Variants in SRGAP1 observed in about 807,000 individuals in gnomAD.
SRGAP1 encodes the protein SLIT-ROBO Rho GTPase activating protein 1.
A neutral mutation model predicts 121.9 loss-of-function variants in SRGAP1; 43 were observed. The observed-to-expected ratio is 0.35, with a 90% confidence interval of 0.28 to 0.46. The LOEUF is 0.46. SRGAP1 is among the 20% of genes least tolerant of loss of function. The probability of loss-of-function intolerance (pLI) is 1.00; values close to 1 mark genes in which losing one functional copy is unlikely to be tolerated. For missense variants in SRGAP1, 1,102 were observed against 1,350.9 expected, an observed-to-expected ratio of 0.82 and a Z score of 2.89; for synonymous variants, 447 against 485.4, an observed-to-expected ratio of 0.92 and a Z score of 1.04.
intron 8 of SRGAP1, among the ~76,000 whole-genome samples, chr12:64,067,907 G>A (rs928259562): frequency 9.2e-5 from 14 of 151,440 alleles, no homozygotes; most frequent in African/African-American, 3.4e-4. Context: ...TAATGGAATG[G>A]GACCCTGTCT....
chr12:63,859,278 G>A (rs1899362636), intron 1 of SRGAP1, among the ~76,000 whole-genome samples: 1 of 152,020 alleles, frequency 6.6e-6, no homozygotes, highest in African/African-American at 2.4e-5. Context: ...TGGTGCCTCA[G>A]CCTCCCAAGT....
At position 63,944,240 on chromosome 12, in the gene SRGAP1, T is replaced by G. The variant is rs558324522; in HGVS notation, c.68-39707T>G. ...TTGCACAATAGTAAGTGGCAAAGCT[T>G]GGGTTTTGTCTTAGTCAGTTTGGGC... is the stretch of plus-strand genomic sequence containing the variant. On this transcript the variant is annotated intron_variant, in intron 1 of 21. Coordinates refer to ENST00000355086, the MANE Select transcript of SRGAP1 (RefSeq NM_020762.4). Among the ~76,000 whole-genome samples the G allele has an allele frequency of 4.6e-5, 7 of 152,346 alleles. No individual in the cohort carries two copies. The South Asian group carries it at 1.2e-3, about 27-fold the overall frequency.
intron 3 of SRGAP1, among the ~76,000 whole-genome samples, chr12:64,003,713 CA>C (rs1201141668): frequency 6.6e-6 from 1 of 151,834 alleles, no homozygotes; most frequent in Non-Finnish European, 1.5e-5. Context: ...GAATGATACC[CA>C]AATGTCTAAC....
intron 1 of SRGAP1, among the ~76,000 whole-genome samples, chr12:63,962,795 G>A (rs1002175652): frequency 5.3e-5 from 8 of 152,088 alleles, no homozygotes; most frequent in African/African-American, 1.4e-4. Context: ...CTGGCCCTTC[G>A]TGGCTATTCA....
At chr12:64,111,512 T>C (rs772043870) in intron 16 of SRGAP1, among the ~76,000 whole-genome samples, 2 of 152,144 alleles carry the variant, frequency 1.3e-5, no homozygotes, top group Non-Finnish European at 2.9e-5. Context: ...TGGTCTCCAT[T>C]GTAGTGAATA....
intron 19 of SRGAP1, 44 bp from the exon 20 acceptor site, chr12:64,127,546 T>C: frequency 6.4e-7 from 1 of 1,555,622 alleles, no homozygotes; most frequent in Non-Finnish European, 8.7e-7. Flanking sequence ...TTGTAAAATT[T>C]GTAAATCTAG....
intron 1 of SRGAP1, among the ~76,000 whole-genome samples, chr12:63,959,282 A>G (rs1433318045): frequency 6.6e-6 from 1 of 152,216 alleles, no homozygotes; most frequent in African/African-American, 2.4e-5. Flanking sequence ...TTTGCAACAT[A>G]TATTCTTTCA....
chr12:64,004,858 A>C (rs1469634272), intron 3 of SRGAP1, among the ~76,000 whole-genome samples: 2 of 152,190 alleles, frequency 1.3e-5, no homozygotes, highest in Admixed American at 6.5e-5. Flanking sequence ...GTTGCTAGCC[A>C]ACTTTCTTAC....
Position 64,147,235 on chromosome 12 carries a change from T to C in SRGAP1, c.*4563T>C, listed in dbSNP as rs1266458288. On this transcript the variant is annotated 3_prime_UTR_variant, in exon 22 of 22. Transcript: ENST00000355086. ...TTGATCAATTGCGGTACCGGTAGCTTCCTGCTTGTGACTGTTACCTAATTG... is the reference window on the plus strand; with the variant it reads ...TTGATCAATTGCGGTACCGGTAGCTCCCTGCTTGTGACTGTTACCTAATTG... 3 of 363,690 alleles carry C rather than the reference T, an allele frequency of 8.2e-6. No homozygotes were observed. The highest frequency in any genetic ancestry group is 9.8e-6 in the Non-Finnish European group (2 of 204,054). The allele number at this position is 363,690 out of a possible 1,614,324, so 22.5% of individuals were successfully genotyped here. A position where few individuals can be genotyped will look rare whatever the true frequency, so the allele number is the denominator to read the frequency against.
chr12:63,964,877 T>G (rs2032744501), intron 1 of SRGAP1, among the ~76,000 whole-genome samples: 1 of 152,242 alleles, frequency 6.6e-6, no homozygotes, highest in Non-Finnish European at 1.5e-5. Flanking sequence ...CGTACTACTT[T>G]GCTCCCAAAT....
chr12:64,103,485 C>T (rs1426660939), intron 15 of SRGAP1, among the ~76,000 whole-genome samples: 2 of 152,132 alleles, frequency 1.3e-5, no homozygotes, highest in Admixed American at 6.5e-5. Context: ...CTTCTTAGTA[C>T]CTAAATTTAT....
chr12:64,136,646 GAGA>G (rs1435376372), intron 21 of SRGAP1, among the ~76,000 whole-genome samples: 5 of 152,194 alleles, frequency 3.3e-5, no homozygotes, highest in African/African-American at 1.2e-4. Context: ...ATTAGATTGT[GAGA>G]AGTTTAATGT....
intron 15 of SRGAP1, among the ~76,000 whole-genome samples, chr12:64,105,144 A>G (rs925330098): frequency 1.3e-5 from 2 of 152,072 alleles, no homozygotes; most frequent in African/African-American, 2.4e-5. Flanking sequence ...GGTACCTAAC[A>G]TAAGTGGAAT....
chr12:63,970,252 A>G (rs1165828935), intron 1 of SRGAP1, among the ~76,000 whole-genome samples: 1 of 152,184 alleles, frequency 6.6e-6, no homozygotes, highest in African/African-American at 2.4e-5. Context: ...GGTGAGAGCT[A>G]TCTGGTGCTG....
At chr12:63,975,482 T>C (rs1225385784) in intron 1 of SRGAP1, among the ~76,000 whole-genome samples, 6 of 152,214 alleles carry the variant, frequency 3.9e-5, no homozygotes, top group Admixed American at 2.0e-4. Flanking sequence ...AAAGAAACCA[T>C]TGAATAAGTG....
At chr12:63,998,172 C>A (rs1245009317) in intron 3 of SRGAP1, among the ~76,000 whole-genome samples, 1 of 152,142 alleles carries the variant, frequency 6.6e-6, no homozygotes, top group Non-Finnish European at 1.5e-5. Context: ...CGGGAAGAGA[C>A]CTTCATGTTG....
Position 64,142,374 on chromosome 12 carries a change from A to G in SRGAP1, c.2960A>G (p.Asp987Gly). 1.2e-6 allele frequency: 2 copies of G among 1,614,022 alleles called. No individual in the cohort carries two copies. Among genetic ancestry groups the G allele is most frequent in the Non-Finnish European group, 1.7e-6 (2 of 1,180,004 alleles). Residue 987 changes from aspartate to glycine, a missense_variant, in exon 22 of 22, where the codon GAT becomes GGT. This residue lies in a region of SRGAP1 where 315 missense variants were observed against 343.1 expected (regional missense o/e 0.92). Transcript: ENST00000355086. ...CAGAGCACAGCAAAGCATGCCCCTGATGTGGTGCTGGATACCCTGGAGCAA... is the reference window on the plus strand; with the variant it reads ...CAGAGCACAGCAAAGCATGCCCCTGGTGTGGTGCTGGATACCCTGGAGCAA... ...ERQSTAKHAP[D>G]VVLDTLEQVK...
intron 21 of SRGAP1, among the ~76,000 whole-genome samples, chr12:64,141,447 G>C (rs1230096234): frequency 6.6e-6 from 1 of 151,880 alleles, no homozygotes; most frequent in Non-Finnish European, 1.5e-5. Context: ...GGGCGTGGTG[G>C]TGGGCGCCTG....
At chr12:64,050,379 C>T (rs1372220212) in intron 6 of SRGAP1, among the ~76,000 whole-genome samples, 2 of 152,094 alleles carry the variant, frequency 1.3e-5, no homozygotes, top group Non-Finnish European at 2.9e-5. Context: ...TCTCTGATTC[C>T]ACTATCTAGG....
Sources: allele counts gnomAD v4.1 joint callset (sites outside exome capture counted in the v4.1 genomes callset), GRCh38; gene constraint gnomAD v4.1.1; regional missense constraint gnomAD v4.1.1; transcripts MANE v1.5; gene names NCBI Gene and HGNC (gene_info 2026-07-23, HGNC 2026-07-21).